The following FGGY variants were observed in gnomAD, a reference collection of about 807,000 sequenced individuals.
FGGY encodes the protein FGGY carbohydrate kinase domain containing.
In FGGY, 72 loss-of-function variants were observed where a neutral mutation model predicts 71.3. The observed-to-expected ratio is 1.01, with a 90% CI of 0.84 to 1.23. The LOEUF is 1.23. FGGY is among the 50% of genes most tolerant of loss of function. The pLI is 0.00. For synonymous variants in FGGY, 251 were observed against 250.3 expected (o/e 1.00, Z -0.02); for missense variants, 668 against 682.3 (o/e 0.98, Z 0.23).
At chr1:59,503,466 C>G (rs1048858390) in intron 6 of FGGY, among the ~76,000 whole-genome samples, 11 of 151,664 alleles carry the variant, frequency 7.3e-5, no homozygotes, top group Non-Finnish European at 1.5e-4. Context: ...TTGAGAACCT[C>G]TATTTCACTA....
At chr1:59,515,660 G>T (rs532508642) in intron 7 of FGGY, among the ~76,000 whole-genome samples, 4 of 152,288 alleles carry the variant, frequency 2.6e-5, no homozygotes, top group African/African-American at 9.6e-5. Flanking sequence ...TCTCGTGATA[G>T]TAAGTCTCAC....
At chr1:59,404,155 A>G (rs1350717875) in intron 5 of FGGY, among the ~76,000 whole-genome samples, 1 of 152,118 alleles carries the variant, frequency 6.6e-6, no homozygotes, top group Non-Finnish European at 1.5e-5. Context: ...TTTACTTTCC[A>G]GGTAAAAAAA....
At chr1:59,467,129 A>T (rs1483833915) in intron 6 of FGGY, among the ~76,000 whole-genome samples, 3 of 152,216 alleles carry the variant, frequency 2.0e-5, no homozygotes, top group African/African-American at 7.2e-5. Context: ...AGACTGAATT[A>T]AGAAAATGTA....
intron 10 of FGGY, among the ~76,000 whole-genome samples, chr1:59,630,471 C>T (rs1430693219): frequency 6.6e-6 from 1 of 152,002 alleles, no homozygotes; most frequent in Non-Finnish European, 1.5e-5. Context: ...CCTGTTCTGC[C>T]CTGAATGTCT....
intron 2 of FGGY, chr1:59,331,993 C>T (rs183888900): frequency 6.6e-6 from 1 of 152,350 alleles, no homozygotes; most frequent in Non-Finnish European, 1.5e-5. Context: ...AAGCCCCAGG[C>T]TTTGACCCTT....
intron 14 of FGGY, among the ~76,000 whole-genome samples, chr1:59,708,047 T>G (rs965093278): frequency 3.3e-5 from 5 of 152,140 alleles, no homozygotes; most frequent in Admixed American, 2.0e-4. Context: ...GTCCTAAGGT[T>G]ATATAGAGAG....
At chr1:59,742,214 C>T (rs2098156131) in intron 14 of FGGY, among the ~76,000 whole-genome samples, 1 of 152,148 alleles carries the variant, frequency 6.6e-6, no homozygotes, top group African/African-American at 2.4e-5. Context: ...TTTTTCTCAC[C>T]ACCACCCCTG....
chr1:59,525,833 G>T (rs183401756), intron 7 of FGGY, among the ~76,000 whole-genome samples: 327 of 152,242 alleles, frequency 2.1e-3, no homozygotes, highest in African/African-American at 7.5e-3. Flanking sequence ...TATTGTATGT[G>T]TGCATAACTG....
intron 11 of FGGY, among the ~76,000 whole-genome samples, chr1:59,653,382 C>G (rs538693977): frequency 6.6e-6 from 1 of 152,266 alleles, no homozygotes; most frequent in South Asian, 2.1e-4. Context: ...TGATCTCAGA[C>G]TGCTGTGCTA....
chr1:59,374,028 G>A (rs2058202824), intron 4 of FGGY, among the ~76,000 whole-genome samples: 2 of 152,154 alleles, frequency 1.3e-5, no homozygotes, highest in South Asian at 4.1e-4. Flanking sequence ...AAAAGCAATG[G>A]CAACAAAAGC....
intron 5 of FGGY, among the ~76,000 whole-genome samples, chr1:59,399,917 A>C (rs183215144): frequency 1.3e-5 from 2 of 152,334 alleles, no homozygotes; most frequent in East Asian, 3.9e-4. Flanking sequence ...GGAACATCAC[A>C]AATGTTCAAA....
chr1:59,502,083 T>TTA (rs1167063074), intron 6 of FGGY, among the ~76,000 whole-genome samples: 7 of 152,196 alleles, frequency 4.6e-5, no homozygotes, highest in African/African-American at 1.4e-4. Context: ...ATTATAGCCT[T>TTA]TTTACAGGTG....
At chr1:59,314,607 G>T (rs2045059510) in intron 1 of FGGY, among the ~76,000 whole-genome samples, 1 of 152,216 alleles carries the variant, frequency 6.6e-6, no homozygotes, top group Non-Finnish European at 1.5e-5. Context: ...ACACAGATGG[G>T]ACAAGCATCT....
intron 11 of FGGY, among the ~76,000 whole-genome samples, chr1:59,656,927 GA>G (rs1009220903): frequency 6.6e-6 from 1 of 152,064 alleles, no homozygotes; most frequent in Admixed American, 6.5e-5. Context: ...AGTTTCTGGG[GA>G]AAAAAATTAT....
intron 2 of FGGY, among the ~76,000 whole-genome samples, chr1:59,322,509 G>A (rs919984392): frequency 1.3e-5 from 2 of 152,132 alleles, no homozygotes; most frequent in African/African-American, 4.8e-5. Flanking sequence ...CCTCCGAGGT[G>A]CACTCTTAAC....
intron 6 of FGGY, among the ~76,000 whole-genome samples, chr1:59,461,688 A>G (rs2092230889): frequency 6.6e-6 from 1 of 152,214 alleles, no homozygotes; most frequent in African/African-American, 2.4e-5. Flanking sequence ...TTACCCACAA[A>G]GGAAAGCCCA....
intron 14 of FGGY, among the ~76,000 whole-genome samples, chr1:59,718,605 C>A (rs1242151096): frequency 2.0e-5 from 3 of 152,204 alleles, no homozygotes; most frequent in African/African-American, 7.2e-5. Context: ...TAGCGACTTG[C>A]CCTCTGCCAA....
rs1478527725 is a variant in FGGY, at chr1:59,573,222, A to G, written c.903+18995A>G. 3.3e-5 allele frequency among the ~76,000 whole-genome samples: 5 copies of G among 152,300 alleles called. No homozygotes were observed. The East Asian group carries it at 9.6e-4, about 29-fold the overall frequency. On this transcript the variant is annotated intron_variant, in intron 8 of 15. Transcript: ENST00000303721. ...GAAACTTTTTTAAAAGTTTTATTGT[A>G]AAGGACATTTAGTGGATAATAGATG...
chr1:59,498,515 T>C (rs182858653), intron 6 of FGGY, among the ~76,000 whole-genome samples: 1 of 152,218 alleles, frequency 6.6e-6, no homozygotes, highest in East Asian at 1.9e-4. Context: ...GCTCCCTAGG[T>C]GACTCTAATG....
Sources: gnomAD v4.1 joint callset for allele counts (sites outside exome capture counted in the v4.1 genomes callset) on GRCh38, gnomAD v4.1.1 for gene constraint, MANE v1.5 for transcripts, NCBI Gene and HGNC (gene_info 2026-07-23, HGNC 2026-07-21) for gene names.